PRKAR1B: variants seen among roughly 807,000 people sequenced by gnomAD.
The protein encoded by PRKAR1B is cAMP-dependent protein kinase type I-beta regulatory subunit.
A neutral mutation model predicts 46.5 loss-of-function variants in PRKAR1B; 22 were observed. The observed-to-expected ratio is 0.47, with a 90% CI of 0.34 to 0.68. PRKAR1B has a LOEUF of 0.68. Ranked by LOEUF, PRKAR1B falls within the 30% of genes least tolerant of loss-of-function variation. The probability of loss-of-function intolerance (pLI) is 0.01; values close to 1 mark genes in which losing one functional copy is unlikely to be tolerated. For synonymous variants in PRKAR1B, 259 were observed against 217.7 expected, an observed-to-expected ratio of 1.19 and a Z score of -1.67; for missense variants, 445 against 535.6, an observed-to-expected ratio of 0.83 and a Z score of 1.67.
intron 4 of PRKAR1B, among the ~76,000 whole-genome samples, chr7:628,043 G>A (rs977154535): frequency 2.0e-5 from 3 of 152,160 alleles, no homozygotes; most frequent in Non-Finnish European, 4.4e-5. Context: ...GGTGGGGGGA[G>A]TGGGACTGAA....
At chr7:582,875 C>T (rs376236172) in intron 8 of PRKAR1B, among the ~76,000 whole-genome samples, 4 of 152,230 alleles carry the variant, frequency 2.6e-5, no homozygotes, top group East Asian at 1.9e-4. Context: ...AGCAAATGTC[C>T]CCCTCTCGGC....
At chr7:722,242 C>T (rs1166105742) in intron 1 of PRKAR1B, among the ~76,000 whole-genome samples, 1 of 151,874 alleles carries the variant, frequency 6.6e-6, no homozygotes, top group African/African-American at 2.4e-5. Flanking sequence ...GCTGGGATTA[C>T]AGGTACCCAC....
chr7:630,349 C>T (rs936092315), intron 4 of PRKAR1B, among the ~76,000 whole-genome samples: 35 of 152,258 alleles, frequency 2.3e-4, no homozygotes, highest in Admixed American at 2.2e-3. Context: ...ACTGGCCGGC[C>T]GGGAGCTGGA....
chr7:709,920 G>C (rs1024117657), intron 2 of PRKAR1B, among the ~76,000 whole-genome samples: 3 of 152,158 alleles, frequency 2.0e-5, no homozygotes, highest in Non-Finnish European at 4.4e-5. Flanking sequence ...GGGATTACAG[G>C]TATAAGCCAC....
chr7:636,441 C>CACACACGT, intron 4 of PRKAR1B, among the ~76,000 whole-genome samples: 1 of 90,108 alleles, frequency 1.1e-5, no homozygotes, highest in East Asian at 3.0e-4. Flanking sequence ...ACCGGCCGCG[C>CACACACGT]CCTCACGTCC....
intron 1 of PRKAR1B, among the ~76,000 whole-genome samples, chr7:716,257 T>C (rs1260691264): frequency 2.1e-5 from 3 of 145,664 alleles, no homozygotes; most frequent in African/African-American, 7.7e-5. Context: ...AAAATCTCAC[T>C]ATGTTGCCTA....
chr7:702,854 A>G (rs967332856), intron 2 of PRKAR1B, among the ~76,000 whole-genome samples: 16 of 151,770 alleles, frequency 1.1e-4, no homozygotes, highest in African/African-American at 3.1e-4. Flanking sequence ...AAATACATAA[A>G]TAAATAAATA....
At chr7:624,014 A>G (rs1400694247) in intron 4 of PRKAR1B, among the ~76,000 whole-genome samples, 1 of 152,242 alleles carries the variant, frequency 6.6e-6, no homozygotes, top group African/African-American at 2.4e-5. Context: ...CATGGCGTCC[A>G]GCCCTGGATG....
intron 4 of PRKAR1B, among the ~76,000 whole-genome samples, chr7:611,184 A>T (rs1322262880): frequency 6.6e-6 from 1 of 152,228 alleles, no homozygotes; most frequent in Non-Finnish European, 1.5e-5. Flanking sequence ...CCTATCATGA[A>T]CGCTCCTCCA....
chr7:699,309 A>C (rs1289216216), intron 2 of PRKAR1B, among the ~76,000 whole-genome samples: 2 of 152,194 alleles, frequency 1.3e-5, no homozygotes, highest in African/African-American at 4.8e-5. Flanking sequence ...TCGATGAGAT[A>C]AAGTATGCAA....
chr7:576,795 G>A (rs1779860205), intron 9 of PRKAR1B, among the ~76,000 whole-genome samples: 1 of 152,100 alleles, frequency 6.6e-6, no homozygotes. Context: ...GGAATGAGGG[G>A]CGGGAGAGGC....
chr7:578,370 T>C (rs1779978669), intron 9 of PRKAR1B, among the ~76,000 whole-genome samples: 1 of 152,234 alleles, frequency 6.6e-6, no homozygotes, highest in South Asian at 2.1e-4. Context: ...CTGCCTGTGG[T>C]GGGGCCGTGG....
intron 4 of PRKAR1B, among the ~76,000 whole-genome samples, chr7:642,048 G>A (rs1298568727): frequency 1.3e-5 from 2 of 151,994 alleles, no homozygotes; most frequent in Admixed American, 1.3e-4. Flanking sequence ...GGGACTCCAG[G>A]CACGCACCAC....
intron 1 of PRKAR1B, among the ~76,000 whole-genome samples, chr7:723,339 C>T (rs1298843374): frequency 1.3e-5 from 2 of 152,180 alleles, no homozygotes; most frequent in Non-Finnish European, 2.9e-5. Context: ...GGAGGCTTTC[C>T]TTGGAGAATT....
Position 628,644 on chromosome 7 carries a change from C to G in PRKAR1B, c.441-21192G>C, listed in dbSNP as rs369466118. Among the ~76,000 whole-genome samples, 10 of 152,310 alleles carry G rather than the reference C, an allele frequency of 6.6e-5. No homozygotes were observed. In the East Asian group the frequency reaches 9.7e-4, roughly 15 times the overall value. On this transcript the variant is annotated intron_variant, in intron 4 of 10. Transcript: ENST00000537384. ...CAGGATTGGACCAGGGTCAGGCCGG[C>G]CAGGCGATGGCGGGAAAAGCAGGCC...
chr7:619,206 G>A (rs577521626), intron 4 of PRKAR1B, among the ~76,000 whole-genome samples: 96 of 152,264 alleles, frequency 6.3e-4, no homozygotes, highest in Non-Finnish European at 8.8e-4. Context: ...GAGGCAACAC[G>A]GCACCTACAA....
At chr7:690,966 G>A (rs999776053) in intron 2 of PRKAR1B, among the ~76,000 whole-genome samples, 4 of 152,150 alleles carry the variant, frequency 2.6e-5, no homozygotes, top group African/African-American at 9.7e-5. Context: ...CTTCCCAGCG[G>A]CCCATCGGCT....
chr7:626,071 T>C (rs111946956), intron 4 of PRKAR1B, among the ~76,000 whole-genome samples: 9,567 of 147,606 alleles, frequency 0.065, 335 homozygotes, highest in Middle Eastern at 0.1. Flanking sequence ...ATAACTCAGA[T>C]AAAATGGGCC....
intron 9 of PRKAR1B, chr7:565,086 A>G (rs1421277068): frequency 6.6e-6 from 1 of 152,174 alleles, no homozygotes; most frequent in African/African-American, 2.4e-5. Context: ...CACACGCTTC[A>G]CTTCATTCCT....
Sources: gnomAD v4.1 joint callset for allele counts (sites outside exome capture counted in the v4.1 genomes callset) on GRCh38, gnomAD v4.1.1 for gene constraint, MANE v1.5 for transcripts, NCBI Gene and HGNC (gene_info 2026-07-23, HGNC 2026-07-21) for gene names.